Variants in FBXW11 observed in about 807,000 individuals in gnomAD.
FBXW11 encodes F-box and WD repeat domain containing 11.
Under a neutral mutation model 77.6 loss-of-function variants are expected in FBXW11, and 19 were observed. That is an observed-to-expected ratio of 0.24 (90% CI 0.17 to 0.36). The LOEUF is 0.36. Among genes scored for constraint, FBXW11 ranks in the 10% least tolerant of loss-of-function variants. The probability of loss-of-function intolerance (pLI) is 1.00; values close to 1 mark genes in which losing one functional copy is unlikely to be tolerated. For synonymous variants in FBXW11, 235 were observed against 249.4 expected (o/e 0.94, Z 0.54); for missense variants, 334 against 704.2 (o/e 0.47, Z 5.95).
At chr5:171,905,660 A>G (rs571157295) in intron 4 of FBXW11, among the ~76,000 whole-genome samples, 2 of 141,242 alleles carry the variant, frequency 1.4e-5, no homozygotes, top group South Asian at 4.8e-4. Flanking sequence ...CAGGAATCAC[A>G]CAATCTCTAT....
At chr5:171,875,891 G>T (rs1758048902) in intron 9 of FBXW11, among the ~76,000 whole-genome samples, 1 of 152,212 alleles carries the variant, frequency 6.6e-6, no homozygotes, top group Non-Finnish European at 1.5e-5. Flanking sequence ...CTAACTAGCT[G>T]TGATGATCAC....
intron 7 of FBXW11, among the ~76,000 whole-genome samples, chr5:171,882,469 T>G (rs929125441): frequency 2.0e-5 from 3 of 152,048 alleles, no homozygotes; most frequent in African/African-American, 7.2e-5. Context: ...GCCCAGCTAA[T>G]GTTTTTTAAT....
intron 1 of FBXW11, among the ~76,000 whole-genome samples, chr5:171,999,874 C>T (rs2113608579): frequency 6.6e-6 from 1 of 152,172 alleles, no homozygotes; most frequent in East Asian, 1.9e-4. Flanking sequence ...TACTTCACAG[C>T]TTTCCATTTT....
At chr5:171,885,467 C>T (rs1489651355) in intron 7 of FBXW11, among the ~76,000 whole-genome samples, 2 of 152,220 alleles carry the variant, frequency 1.3e-5, no homozygotes, top group Non-Finnish European at 2.9e-5. Context: ...TTATGATTCT[C>T]TGTATTTGCC....
At chr5:171,995,484 T>C (rs929841867) in intron 1 of FBXW11, among the ~76,000 whole-genome samples, 3 of 152,180 alleles carry the variant, frequency 2.0e-5, no homozygotes, top group African/African-American at 7.2e-5. Flanking sequence ...CCAGGCGTGA[T>C]GGCTCACGCC....
rs142742208 is a variant in FBXW11, at chr5:171,991,424, TCA to T, written c.45+15032_45+15033del. On this transcript the variant is annotated intron_variant, in intron 1 of 13. Coordinates refer to ENST00000517395, the MANE Select transcript of FBXW11 (RefSeq NM_001378974.1). ...ATTTTTACTCCAGCATTGGAACAGT[TCA>T]CAGTTTCTTCAACTGACTAGCAGAT... Among the ~76,000 whole-genome samples the T allele has an allele frequency of 5.2e-3, 789 of 152,322 alleles. 4 individuals carry two copies. The highest frequency in any genetic ancestry group is 0.018 in the African/African-American group (741 of 41,580).
In FBXW11 at chr5:171,975,816, C is replaced by G. The variant is rs114965365; in HGVS notation, c.46-18118G>C. On this transcript the variant is annotated intron_variant, in intron 1 of 13. Transcript: ENST00000517395. ...TCTTGGTGAATAAAAGGGATTAGGGCGAACAAAAATCATAAAGAATAGCAT... is the reference window on the plus strand; with the variant it reads ...TCTTGGTGAATAAAAGGGATTAGGGGGAACAAAAATCATAAAGAATAGCAT... 2.6e-5 allele frequency among the ~76,000 whole-genome samples: 4 copies of G among 152,134 alleles called. No homozygotes were observed. In the East Asian group the frequency reaches 7.7e-4, roughly 29 times the overall value.
chr5:171,909,586 A>G (rs577137951), intron 4 of FBXW11, among the ~76,000 whole-genome samples: 75 of 152,342 alleles, frequency 4.9e-4, no homozygotes, highest in African/African-American at 1.7e-3. Context: ...TTATGTGAAT[A>G]TGGGAATTCT....
chr5:171,889,184 C>T (rs1340300559), intron 7 of FBXW11, among the ~76,000 whole-genome samples: 1 of 152,106 alleles, frequency 6.6e-6, no homozygotes, highest in African/African-American at 2.4e-5. Context: ...GATATAATAT[C>T]GAAAGCATGA....
At chr5:171,999,416 C>T (rs1288094665) in intron 1 of FBXW11, among the ~76,000 whole-genome samples, 1 of 150,830 alleles carries the variant, frequency 6.6e-6, no homozygotes, top group Non-Finnish European at 1.5e-5. Flanking sequence ...TATATATATA[C>T]ACACACATAT....
intron 6 of FBXW11, among the ~76,000 whole-genome samples, chr5:171,895,697 G>A (rs1358656929): frequency 1.3e-5 from 2 of 152,198 alleles, no homozygotes; most frequent in Middle Eastern, 3.2e-3. Context: ...TTGGGGGCAC[G>A]CTAGAGTGAA....
At chr5:171,962,467 T>C (rs1763962496) in intron 1 of FBXW11, among the ~76,000 whole-genome samples, 2 of 152,216 alleles carry the variant, frequency 1.3e-5, no homozygotes, top group Non-Finnish European at 2.9e-5. Flanking sequence ...AATACCTAAT[T>C]AGATTGTATA....
chr5:171,953,426 T>C (rs867962900), intron 2 of FBXW11, among the ~76,000 whole-genome samples: 72 of 152,140 alleles, frequency 4.7e-4, no homozygotes, highest in African/African-American at 1.7e-3. Flanking sequence ...AAATCCCTAA[T>C]GCTTATTAGA....
intron 2 of FBXW11, among the ~76,000 whole-genome samples, chr5:171,948,919 G>A (rs1473939345): frequency 6.6e-6 from 1 of 152,230 alleles, no homozygotes; most frequent in Non-Finnish European, 1.5e-5. Flanking sequence ...CAAAGGGAAT[G>A]TGATTTCTTA....
chr5:171,996,200 A>G (rs1766034530), intron 1 of FBXW11, among the ~76,000 whole-genome samples: 1 of 152,244 alleles, frequency 6.6e-6, no homozygotes, highest in South Asian at 2.1e-4. Flanking sequence ...ACCACTTTAC[A>G]TGAAACCGCA....
intron 7 of FBXW11, among the ~76,000 whole-genome samples, chr5:171,890,134 T>C (rs1206382266): frequency 1.3e-5 from 2 of 151,664 alleles, no homozygotes; most frequent in Non-Finnish European, 2.9e-5. Context: ...ACTGGGGAAA[T>C]GTGAATTTAA....
chr5:171,930,928 T>G (rs1762161063), intron 2 of FBXW11, among the ~76,000 whole-genome samples: 1 of 151,922 alleles, frequency 6.6e-6, no homozygotes, highest in Non-Finnish European at 1.5e-5. Context: ...CATATTACCA[T>G]TTACATAAAC....
chr5:171,950,459 T>G lies in FBXW11; in HGVS notation c.147+7138A>C, dbSNP rs1044390168. Among the ~76,000 whole-genome samples, 5 of 151,490 alleles carry G rather than the reference T, an allele frequency of 3.3e-5. No individual in the cohort carries two copies. In the South Asian group the frequency reaches 8.3e-4, roughly 25 times the overall value. On this transcript the variant is annotated intron_variant, in intron 2 of 13. Transcript: ENST00000517395. ...CGCCTCCACCCCTAAAATCTAGGGA[T>G]GATAAAAGTACCATTCATGAAAGAG...
chr5:171,871,964 A>G (rs1236634875), intron 10 of FBXW11, among the ~76,000 whole-genome samples: 1 of 152,246 alleles, frequency 6.6e-6, no homozygotes, highest in Non-Finnish European at 1.5e-5. Context: ...TGAAACATTA[A>G]GCAATACCAC....
Sources: allele counts gnomAD v4.1 joint callset (sites outside exome capture counted in the v4.1 genomes callset), GRCh38; gene constraint gnomAD v4.1.1; transcripts MANE v1.5; gene names NCBI Gene and HGNC (gene_info 2026-07-23, HGNC 2026-07-21).